GABPA: variants seen among roughly 807,000 people sequenced by gnomAD.
GABPA encodes the protein GA-binding protein alpha chain.
GABPA carries 4 observed loss-of-function variants against 59.4 expected under a neutral mutation model. That is an observed-to-expected ratio of 0.07 (90% confidence interval 0.03 to 0.15). The LOEUF (loss-of-function observed/expected upper bound fraction) is 0.15, where lower values mean the gene tolerates loss of function less well. Ranked by LOEUF, GABPA falls within the 10% of genes least tolerant of loss-of-function variation. The pLI, the probability that GABPA is intolerant of heterozygous loss-of-function variation, is 1.00. For missense variants in GABPA, 251 were observed against 543.8 expected (o/e 0.46, Z 5.36); for synonymous variants, 164 against 183.1 (o/e 0.90, Z 0.84).
At chr21:25,740,499 CAG>C (rs1273222617) in intron 1 of GABPA, among the ~76,000 whole-genome samples, 1 of 152,176 alleles carries the variant, frequency 6.6e-6, no homozygotes, top group African/African-American at 2.4e-5. Context: ...TAGTTAATAA[CAG>C]AACCTGGTAC....
In GABPA at chr21:25,752,223, G is replaced by A. The variant is rs2123529340; in HGVS notation, c.542G>A (p.Gly181Glu). ...EGYRKEQERL[G>E]IPYDPIQWST... ...TATAGGAAAGAACAAGAACGCCTTG[G>A]GATACCCTATGGTAATAAAATGCAT... Residue 181 changes from glycine to glutamate, a missense_variant, in exon 5 of 10, where the codon GGG becomes GAG. Gly to Glu is a moderately conservative substitution (Grantham distance 98, BLOSUM62 -2). Around this residue, in one of 4 missense-constraint regions of GABPA, gnomAD observed 207 missense variants for 366.7 expected, o/e 0.56. Coordinates refer to ENST00000400075, the MANE Select transcript of GABPA (RefSeq NM_002040.4). The A allele has an allele frequency of 6.2e-7, 1 of 1,613,156 alleles. No homozygotes were observed. Among genetic ancestry groups the A allele is most frequent in the East Asian group, 2.2e-5 (1 of 44,844 alleles).
chr21:25,768,614 A>G (rs1022428625), intron 9 of GABPA, among the ~76,000 whole-genome samples: 1 of 152,068 alleles, frequency 6.6e-6, no homozygotes, highest in Non-Finnish European at 1.5e-5. Flanking sequence ...GCTTTGAGAA[A>G]ATATGACTCC....
chr21:25,741,512 C>G, intron 1 of GABPA, 61 bp from the exon 2 acceptor site: 1 of 827,498 alleles, frequency 1.2e-6, no homozygotes. Context: ...GTCTCTACTT[C>G]TTGTGTGTCA....
intron 5 of GABPA, among the ~76,000 whole-genome samples, chr21:25,753,103 C>T (rs71651603): frequency 0.025 from 3,762 of 152,188 alleles, 154 homozygotes; most frequent in African/African-American, 0.086. Flanking sequence ...TGAACACTAC[C>T]GTACACCAGG....
At chr21:25,747,215 G>T (rs962272497) in intron 3 of GABPA, among the ~76,000 whole-genome samples, 4 of 152,142 alleles carry the variant, frequency 2.6e-5, no homozygotes, top group Admixed American at 1.3e-4. Flanking sequence ...TTTTTTAAAG[G>T]TTTATAGTGA....
chr21:25,756,950 G>C (rs2035651129), intron 5 of GABPA, among the ~76,000 whole-genome samples: 1 of 152,118 alleles, frequency 6.6e-6, no homozygotes, highest in Admixed American at 6.5e-5. Context: ...TAGAATGCTT[G>C]CTTTTGCCTT....
chr21:25,735,155 C>G lies in GABPA; in HGVS notation c.-450C>G, dbSNP rs1019399119. 1 of 648,440 alleles carries G rather than the reference C, an allele frequency of 1.5e-6. No individual in the cohort carries two copies. Among genetic ancestry groups the G allele is most frequent in the Admixed American group, 2.3e-5 (1 of 44,054 alleles). 40.2% of individuals were successfully genotyped at this position (648,440 alleles called of 1,614,324 possible). ...CCGTTCTTTTTCCCCTCCTTGAAAC[C>G]TTGCTCTGTACGCATGCGCTCTTTG... is the stretch of plus-strand genomic sequence containing the variant. On this transcript the variant is annotated 5_prime_UTR_variant, in exon 1 of 10. Coordinates refer to ENST00000400075, the MANE Select transcript of GABPA (RefSeq NM_002040.4).
At chr21:25,746,708 A>G (rs1045182135) in intron 3 of GABPA, among the ~76,000 whole-genome samples, 2 of 152,314 alleles carry the variant, frequency 1.3e-5, no homozygotes, top group Non-Finnish European at 2.9e-5. Context: ...TCTCTTAACA[A>G]TGAGAGGATG....
At position 25,741,022 on chromosome 21, in the gene GABPA, A is replaced by G. The variant is rs547814306; in HGVS notation, c.-26-551A>G. ...ATTTTGAGGTAACTTGTTGATTGCA[A>G]TTGGTCCCGAAAACATCTCAGTAAA... is the stretch of plus-strand genomic sequence containing the variant. On this transcript the variant is annotated intron_variant, in intron 1 of 9. Transcript: ENST00000400075. Among the ~76,000 whole-genome samples, 173 of 152,238 alleles carry G rather than the reference A, an allele frequency of 1.1e-3. 1 individual carries two copies. The highest frequency in any genetic ancestry group is 2.1e-3 in the Non-Finnish European group (140 of 68,044).
At chr21:25,736,751 A>G (rs1040019804) in intron 1 of GABPA, among the ~76,000 whole-genome samples, 5 of 152,234 alleles carry the variant, frequency 3.3e-5, no homozygotes, top group African/African-American at 7.2e-5. Context: ...GAACACGCAG[A>G]TACCCTTCAC....
At chr21:25,751,217 A>G (rs1382681557) in intron 4 of GABPA, among the ~76,000 whole-genome samples, 2 of 151,906 alleles carry the variant, frequency 1.3e-5, no homozygotes, top group East Asian at 3.9e-4. Flanking sequence ...TTTTTATGGC[A>G]TAATTTCTTG....
Position 25,769,007 on chromosome 21 carries a change from T to C in GABPA, c.1140T>C (p.Tyr380=). 4 of 1,606,580 alleles carry C rather than the reference T, an allele frequency of 2.5e-6. No homozygotes were observed. Among genetic ancestry groups the C allele is most frequent in the Non-Finnish European group, 3.4e-6 (4 of 1,174,816 alleles). The change falls in exon 10 of 10, where the codon TAT becomes TAC. Residue 380 remains tyrosine (Y), a synonymous_variant. Coordinates refer to ENST00000400075, the MANE Select transcript of GABPA (RefSeq NM_002040.4). ...ATTTTTTTTTCTCTTTTTGAAGATA[T>C]TATTACGATGGGGACATGATTTGTA... The part of the protein sequence containing the change: ...NYEKLSRALR[Y]YYDGDMICKV...
Position 25,745,401 on chromosome 21 carries a change from T to C in GABPA, c.222+47T>C, listed in dbSNP as rs1242693652. ...TTCTATTGCAACATTTTAGTCTGCA[T>C]AGGAATATTTTTTGTTAGCCTTTTC... On this transcript the variant is annotated intron_variant, in intron 3 of 9. Transcript: ENST00000400075. The C allele has an allele frequency of 4.6e-5, 72 of 1,566,796 alleles. No individual in the cohort carries two copies. The East Asian group carries it at 1.6e-3, about 35-fold the overall frequency.
At chr21:25,746,396 A>G (rs2035366070) in intron 3 of GABPA, among the ~76,000 whole-genome samples, 1 of 150,796 alleles carries the variant, frequency 6.6e-6, no homozygotes, top group South Asian at 2.1e-4. Context: ...TTTATTCTTT[A>G]CTCCTTCCCC....
intron 3 of GABPA, among the ~76,000 whole-genome samples, chr21:25,746,746 C>T (rs1032691925): frequency 2.0e-5 from 3 of 152,116 alleles, no homozygotes; most frequent in South Asian, 2.1e-4. Context: ...TGGAAGACCA[C>T]CTCCCATTTA....
At chr21:25,744,702 G>A (rs917785925) in intron 2 of GABPA, among the ~76,000 whole-genome samples, 32 of 151,794 alleles carry the variant, frequency 2.1e-4, no homozygotes, top group African/African-American at 9.7e-5. Flanking sequence ...TTTTTTAAAC[G>A]TTGAGCTGTC....
intron 6 of GABPA, among the ~76,000 whole-genome samples, chr21:25,759,382 C>T (rs2035713576): frequency 1.3e-5 from 2 of 152,030 alleles, no homozygotes; most frequent in African/African-American, 4.8e-5. Flanking sequence ...ATTTTTCCAC[C>T]GTAATTCAAT....
At chr21:25,767,381 G>A (rs537611895) in intron 9 of GABPA, among the ~76,000 whole-genome samples, 45 of 151,646 alleles carry the variant, frequency 3.0e-4, no homozygotes, top group Non-Finnish European at 4.4e-4. Context: ...AAAAAAAGAG[G>A]GAAGAAAAGA....
At chr21:25,735,889 C>T (rs1359571027) in intron 1 of GABPA, among the ~76,000 whole-genome samples, 1 of 152,160 alleles carries the variant, frequency 6.6e-6, no homozygotes, top group African/African-American at 2.4e-5. Context: ...GCGTCCCCTC[C>T]TCGCCCGTCC....
Sources: gnomAD v4.1 joint callset for allele counts (sites outside exome capture counted in the v4.1 genomes callset) on GRCh38, gnomAD v4.1.1 for gene constraint, gnomAD v4.1.1 regional missense constraint, MANE v1.5 for transcripts, NCBI Gene and HGNC (gene_info 2026-07-23, HGNC 2026-07-21) for gene names.